SMYD3: variants seen among roughly 807,000 people sequenced by gnomAD.
SMYD3 encodes the protein histone-lysine N-methyltransferase SMYD3.
Under a neutral mutation model 57.7 loss-of-function variants are expected in SMYD3, and 36 were observed. That is an observed-to-expected ratio of 0.62 (90% confidence interval 0.48 to 0.82). SMYD3 has a LOEUF of 0.82. SMYD3 is among the 40% of genes least tolerant of loss of function. The pLI is 0.00. For synonymous variants in SMYD3, 211 were observed against 195.0 expected, an observed-to-expected ratio of 1.08 and a Z score of -0.68; for missense variants, 515 against 538.8, an observed-to-expected ratio of 0.96 and a Z score of 0.44.
intron 5 of SMYD3, among the ~76,000 whole-genome samples, chr1:246,287,261 T>C (rs1179931303): frequency 6.6e-6 from 1 of 152,356 alleles, no homozygotes; most frequent in African/African-American, 2.4e-5. Context: ...AGAGTTGTTT[T>C]AAACTTAGAA....
chr1:246,197,120 A>C (rs754052962), intron 5 of SMYD3, among the ~76,000 whole-genome samples: 7 of 152,232 alleles, frequency 4.6e-5, no homozygotes, highest in Non-Finnish European at 2.9e-5. Flanking sequence ...TTGGATTATA[A>C]CTAGAGATAT....
chr1:245,817,627 G>C (rs1015277841), intron 10 of SMYD3, among the ~76,000 whole-genome samples: 1 of 151,802 alleles, frequency 6.6e-6, no homozygotes. Flanking sequence ...CAAACCAAAG[G>C]CAAAGAAGTT....
intron 10 of SMYD3, among the ~76,000 whole-genome samples, chr1:245,830,116 A>G (rs190704183): frequency 1.3e-5 from 2 of 152,356 alleles, no homozygotes; most frequent in East Asian, 3.9e-4. Context: ...TGTTATATGA[A>G]TTACATGTCA....
chr1:246,437,194 GC>G (rs1202158607), intron 1 of SMYD3, among the ~76,000 whole-genome samples: 2 of 152,252 alleles, frequency 1.3e-5, no homozygotes, highest in East Asian at 3.9e-4. Flanking sequence ...TACTGTATCT[GC>G]AGCAGCTGCT....
At chr1:246,100,660 C>T (rs1208183931) in intron 5 of SMYD3, among the ~76,000 whole-genome samples, 2 of 152,194 alleles carry the variant, frequency 1.3e-5, no homozygotes, top group African/African-American at 4.8e-5. Context: ...AAGGTCGGCT[C>T]TGCCACGTCC....
intron 1 of SMYD3, among the ~76,000 whole-genome samples, chr1:246,407,596 C>G (rs1455931475): frequency 6.6e-6 from 1 of 152,172 alleles, no homozygotes; most frequent in Non-Finnish European, 1.5e-5. Flanking sequence ...AATCCCAGCA[C>G]TTTGGGAAGC....
chr1:245,881,769 G>A, intron 8 of SMYD3, among the ~76,000 whole-genome samples: 1 of 152,210 alleles, frequency 6.6e-6, no homozygotes, highest in Admixed American at 6.5e-5. Context: ...TTTTCATAGG[G>A]TAGTCAAGGA....
intron 1 of SMYD3, among the ~76,000 whole-genome samples, chr1:246,384,428 C>T (rs2066437113): frequency 6.6e-6 from 1 of 151,792 alleles, no homozygotes; most frequent in Admixed American, 6.6e-5. Flanking sequence ...CAGAGTCTCA[C>T]TCTGTCGCCC....
Position 246,384,520 on chromosome 1 carries a change from C to G in SMYD3, c.165-29426G>C, listed in dbSNP as rs553276954. 1.6e-4 allele frequency among the ~76,000 whole-genome samples: 24 copies of G among 152,128 alleles called. No individual in the cohort carries two copies. In the South Asian group the frequency reaches 5.0e-3, roughly 32 times the overall value. ...AAGCAATTCTCCTGCCTCAGCCTCCCAAGAAGCTGGGATTACAGGTGCCCG... is the reference window on the plus strand; with the variant it reads ...AAGCAATTCTCCTGCCTCAGCCTCCGAAGAAGCTGGGATTACAGGTGCCCG... On this transcript the variant is annotated intron_variant, in intron 1 of 11. Transcript: ENST00000490107.
At chr1:245,790,470 C>G (rs1402225135) in intron 10 of SMYD3, among the ~76,000 whole-genome samples, 1 of 152,186 alleles carries the variant, frequency 6.6e-6, no homozygotes, top group East Asian at 1.9e-4. Context: ...TCAGGGTCGG[C>G]AAAGCTTTTC....
intron 5 of SMYD3, among the ~76,000 whole-genome samples, chr1:246,047,858 T>C (rs879767044): frequency 2.7e-5 from 4 of 145,630 alleles, no homozygotes; most frequent in Non-Finnish European, 6.0e-5. Flanking sequence ...AAAAAAAAAA[T>C]GTGAAAATAA....
At chr1:246,138,457 G>A (rs35556934) in intron 5 of SMYD3, among the ~76,000 whole-genome samples, 55,418 of 124,572 alleles carry the variant, frequency 0.44, 16,818 homozygotes, top group Non-Finnish European at 0.67. Flanking sequence ...ACGGAGTCTC[G>A]CTCTGTCGCC....
chr1:246,474,841 G>A (rs1223437353), intron 1 of SMYD3, among the ~76,000 whole-genome samples: 5 of 152,114 alleles, frequency 3.3e-5, no homozygotes, highest in Admixed American at 6.5e-5. Flanking sequence ...GCTACTGTAT[G>A]AGGAAATTCT....
chr1:246,051,909 G>C (rs186796016), intron 5 of SMYD3, among the ~76,000 whole-genome samples: 22 of 152,248 alleles, frequency 1.4e-4, no homozygotes, highest in African/African-American at 4.6e-4. Flanking sequence ...AAATCAGATA[G>C]GCAGATTTGA....
At chr1:246,035,232 GC>G (rs1321677208) in intron 5 of SMYD3, 4 of 152,180 alleles carry the variant, frequency 2.6e-5, no homozygotes, top group Non-Finnish European at 5.9e-5. Flanking sequence ...TCAAAACCTG[GC>G]AATTTGCCAT....
At chr1:245,992,329 A>C (rs1255513402) in intron 5 of SMYD3, among the ~76,000 whole-genome samples, 1 of 152,248 alleles carries the variant, frequency 6.6e-6, no homozygotes. Context: ...TCTATTGGTC[A>C]CACACACCAA....
At chr1:246,378,727 A>C (rs1444910646) in intron 1 of SMYD3, among the ~76,000 whole-genome samples, 1 of 25,330 alleles carries the variant, frequency 3.9e-5, no homozygotes, top group East Asian at 3.4e-4. Flanking sequence ...ATAATATATT[A>C]TATATTATAT....
chr1:246,494,279 C>T (rs1024479117), intron 1 of SMYD3, among the ~76,000 whole-genome samples: 2 of 152,230 alleles, frequency 1.3e-5, no homozygotes, highest in African/African-American at 4.8e-5. Context: ...TAATGGTCTA[C>T]TAAACAATGT....
chr1:245,848,924 C>T (rs2050808618), intron 10 of SMYD3, among the ~76,000 whole-genome samples: 1 of 152,074 alleles, frequency 6.6e-6, no homozygotes, highest in African/African-American at 2.4e-5. Flanking sequence ...GAAATATCTC[C>T]AAGGAGGATA....
Sources: allele counts gnomAD v4.1 joint callset (sites outside exome capture counted in the v4.1 genomes callset), GRCh38; gene constraint gnomAD v4.1.1; transcripts MANE v1.5; gene names NCBI Gene and HGNC (gene_info 2026-07-23, HGNC 2026-07-21).